Variants in BAZ2B observed in about 807,000 individuals in gnomAD.
BAZ2B encodes the protein bromodomain adjacent to zinc finger domain protein 2B.
BAZ2B carries 91 observed loss-of-function variants against 246.0 expected under a neutral mutation model. That is an observed-to-expected ratio of 0.37 (90% CI 0.31 to 0.44). The LOEUF (loss-of-function observed/expected upper bound fraction) is 0.44. BAZ2B is among the 20% of genes least tolerant of loss of function. The pLI, the probability that BAZ2B is intolerant of heterozygous loss-of-function variation, is 1.00. For missense variants in BAZ2B, 2,332 were observed against 2,533.7 expected (o/e 0.92, Z 1.71); for synonymous variants, 855 against 860.0 (o/e 0.99, Z 0.10).
At chr2:159,348,530 T>C (rs910834683) in intron 30 of BAZ2B, 148 bp downstream of exon 30, 5 of 923,934 alleles carry the variant, frequency 5.4e-6, no homozygotes, top group Non-Finnish European at 7.7e-6. Flanking sequence ...CCATCTTTCT[T>C]TGACTGTTTG....
chr2:159,671,493 A>G, the BAZ2B span, among the ~76,000 whole-genome samples: 1 of 152,202 alleles, frequency 6.6e-6, no homozygotes, highest in Non-Finnish European at 1.5e-5. Context: ...TTAAATATAA[A>G]TATCTCAATT....
At chr2:159,593,218 T>C (rs1334304619) in intron 1 of BAZ2B, among the ~76,000 whole-genome samples, 1 of 152,214 alleles carries the variant, frequency 6.6e-6, no homozygotes, top group East Asian at 1.9e-4. Context: ...TTTCCACCTT[T>C]AAATCTATCA....
rs369980789 is a variant in BAZ2B, at chr2:159,431,100, C to T, written c.1957G>A (p.Asp653Asn). ...CTATCTGATTCATCTTGGTCTTTAT[C>T]ATCATCATCTTCTTCTTCTGATCCT... ...TEGSEEEDDD[D>N]KDQDESDSDT... Residue 653 changes from aspartate to asparagine, a missense_variant, in exon 10 of 37, where the codon GAT becomes AAT. Asp to Asn is a conservative substitution (Grantham distance 23). Around this residue, in one of 9 missense-constraint regions of BAZ2B, gnomAD observed 651 missense variants for 650.9 expected, o/e 1.00. Coordinates refer to ENST00000392783, the MANE Select transcript of BAZ2B (RefSeq NM_013450.4). 5.6e-6 allele frequency: 9 copies of T among 1,613,116 alleles called. No individual in the cohort carries two copies. The African/African-American group carries it at 9.3e-5, about 17-fold the overall frequency.
intron 27 of BAZ2B, among the ~76,000 whole-genome samples, chr2:159,363,086 T>C (rs2059884649): frequency 6.6e-6 from 1 of 152,152 alleles, no homozygotes; most frequent in Admixed American, 6.5e-5. Flanking sequence ...CTAATTTGCA[T>C]GGTTAGGAGA....
At chr2:159,447,037 G>T in intron 5 of BAZ2B, 62 bp from the exon 6 acceptor site, 1 of 1,231,526 alleles carries the variant, frequency 8.1e-7, no homozygotes, top group Non-Finnish European at 1.1e-6. Flanking sequence ...TAAAAATGAA[G>T]TACAGATATA....
the BAZ2B span, among the ~76,000 whole-genome samples, chr2:159,661,955 AC>A: frequency 2.0e-5 from 3 of 151,194 alleles, no homozygotes; most frequent in Non-Finnish European, 2.9e-5. Flanking sequence ...CTCCCTGACC[AC>A]CCCCCACCCA....
At chr2:159,654,193 A>G in the BAZ2B span, among the ~76,000 whole-genome samples, 1 of 152,186 alleles carries the variant, frequency 6.6e-6, no homozygotes, top group Non-Finnish European at 1.5e-5. Context: ...CCGTTTCCCA[A>G]CTGCACGGAG....
At chr2:159,662,404 G>GTA in the BAZ2B span, among the ~76,000 whole-genome samples, 2 of 152,178 alleles carry the variant, frequency 1.3e-5, no homozygotes, top group Admixed American at 1.3e-4. Flanking sequence ...GCTTTTTCAT[G>GTA]TACTGCCAAA....
intron 2 of BAZ2B, among the ~76,000 whole-genome samples, chr2:159,483,257 T>C: frequency 6.6e-6 from 1 of 152,086 alleles, no homozygotes; most frequent in East Asian, 1.9e-4. Context: ...GAGTGCAGTG[T>C]TGTGATCATG....
chr2:159,348,818 C>T lies in BAZ2B; in HGVS notation c.5153G>A (p.Trp1718Ter). The T allele has an allele frequency of 6.3e-7, 1 of 1,597,588 alleles. No homozygotes were observed. ...KPIPEEMQFGWWRIIDPEDLK... is the reference protein window; with the variant it reads ...KPIPEEMQFG ...GTCCTCTGGGTCAATAATTCTCCAC[C>T]AACCAAACTGCATTTCTAAGTCAAG... The change falls in exon 30 of 37, where the codon TGG (tryptophan) becomes TAG (stop). Residue 1718 changes from tryptophan to a stop codon, truncating the protein, a stop_gained. Coordinates refer to ENST00000392783, the MANE Select transcript of BAZ2B (RefSeq NM_013450.4). LOFTEE classifies it high-confidence loss of function.
At chr2:159,412,595 CAA>C (rs760628307) in intron 13 of BAZ2B, 50 bp from the exon 14 acceptor site, 16 of 1,504,364 alleles carry the variant, frequency 1.1e-5, no homozygotes, top group African/African-American at 9.7e-5. Context: ...AAAATAAACA[CAA>C]GAGATCAACA....
chr2:159,444,078 T>C (rs1444198379), intron 6 of BAZ2B: 2 of 152,018 alleles, frequency 1.3e-5, no homozygotes, highest in Non-Finnish European at 2.9e-5. Context: ...CAAAATAATA[T>C]GGGAATCAGA....
chr2:159,699,557 G>A, the BAZ2B span, among the ~76,000 whole-genome samples: 2 of 152,030 alleles, frequency 1.3e-5, no homozygotes, highest in African/African-American at 4.8e-5. Flanking sequence ...AAAAAAAAGA[G>A]CTGGGGTTAG....
Position 159,384,739 on chromosome 2 carries a change from C to T in BAZ2B, c.3686+416G>A, listed in dbSNP as rs138839326. Reference sequence around the variant, plus strand: ...TAGCATACAACAAAATAAAAAGTGGCTACGTAATTCTGTGAATGGCTACTA... The same window carrying T: ...TAGCATACAACAAAATAAAAAGTGGTTACGTAATTCTGTGAATGGCTACTA... On this transcript the variant is annotated intron_variant, in intron 23 of 36. Coordinates refer to ENST00000392783, the MANE Select transcript of BAZ2B (RefSeq NM_013450.4). Among the ~76,000 whole-genome samples, 1,130 of 152,098 alleles carry T rather than the reference C, an allele frequency of 7.4e-3. 49 individuals carry two copies. The highest frequency in any genetic ancestry group is 0.065 in the Admixed American group (998 of 15,244).
At chr2:159,317,957 A>G (rs1204266759), downstream of BAZ2B, among the ~76,000 whole-genome samples, 3 of 152,174 alleles carry the variant, frequency 2.0e-5, no homozygotes, top group African/African-American at 7.2e-5. Context: ...GAGTAACAAC[A>G]ATGAAGACAC....
At chr2:159,502,705 T>C (rs954068136) in intron 2 of BAZ2B, among the ~76,000 whole-genome samples, 1 of 152,178 alleles carries the variant, frequency 6.6e-6, no homozygotes, top group African/African-American at 2.4e-5. Context: ...GAATTCTCTA[T>C]GGGAATTTTA....
intron 2 of BAZ2B, among the ~76,000 whole-genome samples, chr2:159,546,236 T>A (rs949951107): frequency 2.0e-5 from 3 of 151,970 alleles, no homozygotes; most frequent in Non-Finnish European, 4.4e-5. Context: ...GTGACTGAAT[T>A]ACGGGGGCGG....
At chr2:159,643,383 T>C in the BAZ2B span, among the ~76,000 whole-genome samples, 1 of 152,062 alleles carries the variant, frequency 6.6e-6, no homozygotes, top group East Asian at 1.9e-4. Context: ...TCTCTCCTTA[T>C]AAAAACACTA....
chr2:159,578,825 C>G (rs879519487), intron 1 of BAZ2B, among the ~76,000 whole-genome samples: 2 of 152,180 alleles, frequency 1.3e-5, no homozygotes, highest in Non-Finnish European at 2.9e-5. Context: ...TCAATGACTA[C>G]TGGGTACATA....
Sources: gnomAD v4.1 joint callset for allele counts (sites outside exome capture counted in the v4.1 genomes callset) on GRCh38, gnomAD v4.1.1 for gene constraint, gnomAD v4.1.1 regional missense constraint, MANE v1.5 for transcripts, NCBI Gene and HGNC (gene_info 2026-07-23, HGNC 2026-07-21) for gene names.